SLC24A4: variants seen among roughly 807,000 people sequenced by gnomAD.
SLC24A4 encodes solute carrier family 24 member 4, also known as sodium/potassium/calcium exchanger 4.
In SLC24A4, 53 loss-of-function variants were observed where a neutral mutation model predicts 79.0. The ratio of observed to expected loss-of-function variants is 0.67; its 90% confidence interval spans 0.54 to 0.84. SLC24A4 has a LOEUF of 0.84. Ranked by LOEUF, SLC24A4 falls within the 40% of genes least tolerant of loss-of-function variation. The pLI is 0.00. For missense variants in SLC24A4, 731 were observed against 822.0 expected (o/e 0.89, Z 1.35); for synonymous variants, 323 against 323.8 (o/e 1.00, Z 0.03).
chr14:92,384,053 C>T (rs981171507), intron 2 of SLC24A4, among the ~76,000 whole-genome samples: 6 of 152,182 alleles, frequency 3.9e-5, no homozygotes, highest in Admixed American at 1.3e-4. Context: ...AAACACTGAG[C>T]GAAATGAATT....
intron 2 of SLC24A4, among the ~76,000 whole-genome samples, chr14:92,373,704 C>G (rs1888335552): frequency 6.6e-6 from 1 of 152,180 alleles, no homozygotes; most frequent in African/African-American, 2.4e-5. Flanking sequence ...GCACATCAGA[C>G]TTTTCTAATG....
chr14:92,448,377 C>CACACACACACACAT (rs1892928519), intron 9 of SLC24A4, among the ~76,000 whole-genome samples: 1 of 151,712 alleles, frequency 6.6e-6, no homozygotes. Context: ...CACACACACA[C>CACACACACACACAT]ACAAATCCCT....
In SLC24A4 at chr14:92,348,806, G is replaced by T. The variant is rs181385067; in HGVS notation, c.241+22828G>T. 2.0e-3 allele frequency among the ~76,000 whole-genome samples: 306 copies of T among 152,250 alleles called. 3 individuals carry two copies. The highest frequency in any genetic ancestry group is 7.0e-3 in the African/African-American group (292 of 41,542). ...CAAAGCGTTCTAAGGAGTCCCCTTC[G>T]GTGAAGGTTTTTTGGAGCCTATGGC... On this transcript the variant is annotated intron_variant, in intron 2 of 16. Coordinates refer to ENST00000532405, the MANE Select transcript of SLC24A4 (RefSeq NM_153646.4).
In SLC24A4 at chr14:92,483,795, C is replaced by T; in HGVS notation, c.1422+949C>T. 4 of 1,290,022 alleles carry T rather than the reference C, an allele frequency of 3.1e-6. No individual in the cohort carries two copies. The South Asian group carries it at 4.9e-5, about 16-fold the overall frequency. 79.9% of individuals were successfully genotyped at this position (1,290,022 alleles called of 1,614,324 possible). ...GTTGATTGTGAAACTCACTCTCAGC[C>T]CCTTACACCCTAGTGGTTAACATCG... On this transcript the variant is annotated intron_variant, in intron 13 of 16. Coordinates refer to ENST00000532405, the MANE Select transcript of SLC24A4 (RefSeq NM_153646.4).
chr14:92,493,880 CT>C lies in SLC24A4; in HGVS notation c.*253del, dbSNP rs1405647355. 3 of 517,332 alleles carry C rather than the reference CT, an allele frequency of 5.8e-6. No individual in the cohort carries two copies. Among genetic ancestry groups the C allele is most frequent in the Non-Finnish European group, 1.0e-5 (3 of 289,646 alleles). 32.0% of individuals were successfully genotyped at this position (517,332 alleles called of 1,614,324 possible). A position where few individuals can be genotyped will look rare whatever the true frequency, so the allele number is the denominator to read the frequency against. ...ATTATCTGAGCAGCTTCAAAGACCC[CT>C]GAGCTGCCAACCACGGAGATGTGCC... On this transcript the variant is annotated 3_prime_UTR_variant, in exon 17 of 17. Transcript: ENST00000532405.
At position 92,435,916 on chromosome 14, in the gene SLC24A4, G is replaced by A. The variant is rs539927505; in HGVS notation, c.318+1928G>A. On this transcript the variant is annotated intron_variant, in intron 3 of 16. Coordinates refer to ENST00000532405, the MANE Select transcript of SLC24A4 (RefSeq NM_153646.4). The stretch of plus-strand genomic sequence containing the variant: ...TCCCACAGTTCTGTGGTCCTGCCTC[G>A]TGAAAGTCTTGGCATAGCTGAAATC... 2.4e-4 allele frequency among the ~76,000 whole-genome samples: 37 copies of A among 152,222 alleles called. No homozygotes were observed. The South Asian group carries it at 7.7e-3, about 32-fold the overall frequency.
At chr14:92,383,456 G>T (rs1888966342) in intron 2 of SLC24A4, among the ~76,000 whole-genome samples, 1 of 152,158 alleles carries the variant, frequency 6.6e-6, no homozygotes, top group Admixed American at 6.5e-5. Context: ...TCCTCTCTCT[G>T]CCTCAAGATG....
In SLC24A4 at chr14:92,476,933, T is replaced by A. The variant is rs553539691; in HGVS notation, c.1256-5747T>A. On this transcript the variant is annotated intron_variant, in intron 12 of 16. Transcript: ENST00000532405. ...ATTCCTTTGTATTTATATGCCACAT[T>A]TTGTTTATCCATTCATCACTTGGTT... is the stretch of plus-strand genomic sequence containing the variant. Among the ~76,000 whole-genome samples, 14 of 152,378 alleles carry A rather than the reference T, an allele frequency of 9.2e-5. No homozygotes were observed. In the South Asian group the frequency reaches 1.2e-3, roughly 14 times the overall value.
At chr14:92,424,295 A>T (rs1315335977) in intron 2 of SLC24A4, among the ~76,000 whole-genome samples, 1 of 152,220 alleles carries the variant, frequency 6.6e-6, no homozygotes, top group Admixed American at 6.5e-5. Context: ...AAATAAGGTC[A>T]TAAAAGTAGG....
chr14:92,489,725 TAGA>T (rs1895573555), intron 14 of SLC24A4, among the ~76,000 whole-genome samples: 1 of 152,138 alleles, frequency 6.6e-6, no homozygotes, highest in African/African-American at 2.4e-5. Flanking sequence ...CGCACTGCCC[TAGA>T]AGTCCTCAAA....
chr14:92,326,683 G>T (rs1885161643), intron 2 of SLC24A4, among the ~76,000 whole-genome samples: 2 of 152,172 alleles, frequency 1.3e-5, no homozygotes, highest in Non-Finnish European at 2.9e-5. Flanking sequence ...TGCCCAGATC[G>T]CAGGCTGAGC....
intron 2 of SLC24A4, among the ~76,000 whole-genome samples, chr14:92,370,475 A>G (rs1888090995): frequency 6.6e-6 from 1 of 151,146 alleles, no homozygotes; most frequent in Non-Finnish European, 1.5e-5. Flanking sequence ...AATGGTGTTC[A>G]TGTACTTGTC....
intron 4 of SLC24A4, among the ~76,000 whole-genome samples, chr14:92,440,736 A>G (rs753965525): frequency 2.6e-5 from 4 of 151,926 alleles, no homozygotes; most frequent in Non-Finnish European, 5.9e-5. Flanking sequence ...ATTAAAGGAC[A>G]GGGGAGCCAA....
At chr14:92,381,398 G>A (rs146912262) in intron 2 of SLC24A4, among the ~76,000 whole-genome samples, 1,556 of 152,162 alleles carry the variant, frequency 0.01, 9 homozygotes, top group Non-Finnish European at 0.016. Flanking sequence ...ACATGGACAC[G>A]GGGAGGGGAA....
chr14:92,346,847 A>G (rs1346882319), intron 2 of SLC24A4, among the ~76,000 whole-genome samples: 1 of 152,140 alleles, frequency 6.6e-6, no homozygotes, highest in East Asian at 1.9e-4. Context: ...ATGTGTGGCC[A>G]TGCTTAAAAA....
chr14:92,346,879 G>A (rs913189505), intron 2 of SLC24A4, among the ~76,000 whole-genome samples: 2 of 152,102 alleles, frequency 1.3e-5, no homozygotes, highest in Non-Finnish European at 2.9e-5. Flanking sequence ...GGTTGGGTGG[G>A]GATGTGGCCT....
In SLC24A4 at chr14:92,400,458, A is replaced by T. The variant is rs1890053099; in HGVS notation, c.242-33454A>T. 2.1e-5 allele frequency among the ~76,000 whole-genome samples: 3 copies of T among 141,592 alleles called. No individual in the cohort carries two copies. The South Asian group carries it at 7.1e-4, about 33-fold the overall frequency. The allele number at this position is 141,592 out of a possible 152,430, so 92.9% of individuals were successfully genotyped here. On this transcript the variant is annotated intron_variant, in intron 2 of 16. Coordinates refer to ENST00000532405, the MANE Select transcript of SLC24A4 (RefSeq NM_153646.4). ...ATCTCAAAAAAAAAAAAAAAAAAAA[A>T]GAGTTGGGGGAAAAATACATACACA...
chr14:92,439,340 G>C lies in SLC24A4; in HGVS notation c.324G>C (p.Leu108=), dbSNP rs1236455341. 3 of 1,612,478 alleles carry C rather than the reference G, an allele frequency of 1.9e-6. No individual in the cohort carries two copies. Among genetic ancestry groups the C allele is most frequent in the African/African-American group, 2.7e-5 (2 of 74,888 alleles). ...GAVLLHILGA[L]YMFYALAIVC... ...GTCTCCTCTCTCCTTTGCAGGCTCT[G>C]TATATGTTCTATGCCTTGGCCATAG... Residue 108 remains leucine, a synonymous_variant, in exon 4 of 17, where the codon CTG becomes CTC. Transcript: ENST00000532405.
chr14:92,443,750 G>T (rs886314978), intron 7 of SLC24A4, among the ~76,000 whole-genome samples: 2 of 152,214 alleles, frequency 1.3e-5, no homozygotes, highest in Non-Finnish European at 2.9e-5. Context: ...GTCAGAAATG[G>T]TACAGCTGGG....
Sources: allele counts gnomAD v4.1 joint callset (sites outside exome capture counted in the v4.1 genomes callset), GRCh38; gene constraint gnomAD v4.1.1; transcripts MANE v1.5; gene names NCBI Gene and HGNC (gene_info 2026-07-23, HGNC 2026-07-21).